Variants in COQ2 observed in about 807,000 individuals in gnomAD.
The protein encoded by COQ2 is coenzyme Q2, polyprenyltransferase.
In COQ2, 25 loss-of-function variants were observed where a neutral mutation model predicts 35.7. The ratio of observed to expected loss-of-function variants is 0.70; its 90% CI spans 0.51 to 0.98. COQ2 has a LOEUF of 0.98. Ranked by LOEUF, COQ2 falls within the 50% of genes least tolerant of loss-of-function variation. COQ2 has a pLI of 0.00. For missense variants in COQ2, 488 were observed against 473.5 expected, an observed-to-expected ratio of 1.03 and a Z score of -0.28; for synonymous variants, 206 against 186.2, an observed-to-expected ratio of 1.11 and a Z score of -0.86.
chr4:83,284,446 C>A (rs1273458565), intron 1 of COQ2, 66 bp downstream of exon 1: 4 of 1,498,438 alleles, frequency 2.7e-6, no homozygotes, highest in Non-Finnish European at 3.6e-6. Flanking sequence ...CCGCGGACAG[C>A]TCCGCGGAGC....
Position 83,264,363 on chromosome 4 carries a change from T to G in COQ2, c.952A>C (p.Ile318Leu). 1 of 1,595,936 alleles carries G rather than the reference T, an allele frequency of 6.3e-7. No individual in the cohort carries two copies. The highest frequency in any genetic ancestry group is 8.5e-7 in the Non-Finnish European group (1 of 1,173,946). Reference sequence around the variant, plus strand: ...GGTCTGTGGATGTCTAGAGTGTAAATCTGCAAGAGAGGAATACAAAGTTGT... The same window carrying G: ...GGTCTGTGGATGTCTAGAGTGTAAAGCTGCAAGAGAGGAATACAAAGTTGT... The part of the protein sequence containing the change: ...GAVGAHLTHQ[I>L]YTLDIHRPED... The change falls in exon 7 of 7, where the codon ATT becomes CTT. Residue 318 changes from isoleucine to leucine, a missense_variant and splice_region_variant. Transcript: ENST00000647002.
At chr4:83,268,690 G>A (rs1476250735) in intron 5 of COQ2, among the ~76,000 whole-genome samples, 3 of 152,100 alleles carry the variant, frequency 2.0e-5, no homozygotes, top group South Asian at 2.1e-4. Context: ...AGACCTTACC[G>A]CAAAAAGTAC....
At chr4:83,284,426 C>T in intron 1 of COQ2, 86 bp downstream of exon 1, 3 of 1,459,108 alleles carry the variant, frequency 2.1e-6, no homozygotes, top group Non-Finnish European at 9.1e-7. Context: ...CATCACGCCC[C>T]GGCCGGCCGC....
At chr4:83,283,378 C>T (rs1735374687) in intron 1 of COQ2, 3 of 985,422 alleles carry the variant, frequency 3.0e-6, no homozygotes, top group South Asian at 4.7e-5. Flanking sequence ...TGTCTAGTCT[C>T]GTTTCCCATT....
chr4:83,281,349 C>T (rs563477975), intron 1 of COQ2: 2 of 152,306 alleles, frequency 1.3e-5, no homozygotes, highest in Admixed American at 6.5e-5. Context: ...GACAGAAAGA[C>T]GTGTAACCAC....
At chr4:83,278,724 A>G (rs924847958) in intron 2 of COQ2, among the ~76,000 whole-genome samples, 1 of 152,244 alleles carries the variant, frequency 6.6e-6, no homozygotes, top group African/African-American at 2.4e-5. Context: ...TTATAATAAT[A>G]AAGTACACAC....
intron 1 of COQ2, among the ~76,000 whole-genome samples, chr4:83,279,912 G>A (rs1735278253): frequency 1.4e-5 from 2 of 140,998 alleles, no homozygotes; most frequent in Admixed American, 7.6e-5. Context: ...CCAAGCTGGC[G>A]TACAATGGCA....
At chr4:83,268,141 C>T (rs1734967763) in intron 5 of COQ2, among the ~76,000 whole-genome samples, 1 of 152,156 alleles carries the variant, frequency 6.6e-6, no homozygotes, top group African/African-American at 2.4e-5. Context: ...CTAATTCTTC[C>T]CATAGCTCCT....
In COQ2 at chr4:83,284,773, T is replaced by C. The variant is rs1442705983; in HGVS notation, c.-9A>G. On this transcript the variant is annotated 5_prime_UTR_variant, in exon 1 of 7. Coordinates refer to ENST00000647002, the MANE Select transcript of COQ2 (RefSeq NM_001358921.2). Reference sequence around the variant, plus strand: ...GCTCGCGAGCCCAGCATGGCGCTGGTGAGGCCGGGACGAGCTCGGATTGAC... The same window carrying C: ...GCTCGCGAGCCCAGCATGGCGCTGGCGAGGCCGGGACGAGCTCGGATTGAC... 6.4e-7 allele frequency: 1 copy of C among 1,558,304 alleles called. No homozygotes were observed. The highest frequency in any genetic ancestry group is 8.6e-7 in the Non-Finnish European group (1 of 1,159,196).
In COQ2 at chr4:83,284,772, G is replaced by T; in HGVS notation, c.-8C>A. 6 of 1,558,584 alleles carry T rather than the reference G, an allele frequency of 3.8e-6. No individual in the cohort carries two copies. Among genetic ancestry groups the T allele is most frequent in the Non-Finnish European group, 5.2e-6 (6 of 1,159,312 alleles). ...GGCTCGCGAGCCCAGCATGGCGCTG[G>T]TGAGGCCGGGACGAGCTCGGATTGA... On this transcript the variant is annotated 5_prime_UTR_variant, in exon 1 of 7. Transcript: ENST00000647002.
At chr4:83,280,242 A>G (rs991953493) in intron 1 of COQ2, among the ~76,000 whole-genome samples, 2 of 152,238 alleles carry the variant, frequency 1.3e-5, no homozygotes, top group East Asian at 1.9e-4. Flanking sequence ...GACTTCAAAT[A>G]TGAACTTTAA....
At chr4:83,274,708 G>C (rs762087501) in intron 2 of COQ2, among the ~76,000 whole-genome samples, 21 of 152,040 alleles carry the variant, frequency 1.4e-4, no homozygotes, top group Non-Finnish European at 2.6e-4. Flanking sequence ...AAATATGTAG[G>C]TTTATGTCTT....
intron 1 of COQ2, 197 bp downstream of exon 1, chr4:83,284,313 CAA>C (rs1308921243): frequency 4.7e-5 from 46 of 985,130 alleles, no homozygotes; most frequent in Non-Finnish European, 5.3e-5. Context: ...AGCCGGCAGC[CAA>C]GCTCAAGCTT....
intron 1 of COQ2, chr4:83,283,850 ATT>A: frequency 1.0e-6 from 1 of 985,478 alleles, no homozygotes; most frequent in Non-Finnish European, 1.2e-6. Context: ...GTAGGTGTTA[ATT>A]AAGATAGGAA....
intron 4 of COQ2, among the ~76,000 whole-genome samples, chr4:83,270,879 T>C (rs1188000467): frequency 6.6e-6 from 1 of 152,222 alleles, no homozygotes; most frequent in Non-Finnish European, 1.5e-5. Context: ...GGAGTAAATA[T>C]ACCAGCTTCT....
In COQ2 at chr4:83,282,079, A is replaced by G. The variant is rs940813381; in HGVS notation, c.253+2433T>C. Among the ~76,000 whole-genome samples, 5 of 152,204 alleles carry G rather than the reference A, an allele frequency of 3.3e-5. No homozygotes were observed. The East Asian group carries it at 9.6e-4, about 29-fold the overall frequency. On this transcript the variant is annotated intron_variant, in intron 1 of 6. Coordinates refer to ENST00000647002, the MANE Select transcript of COQ2 (RefSeq NM_001358921.2). Reference sequence around the variant, plus strand: ...ATTGCAAAAAGAAATGTTTTTGTAGAAAAGGGAAAAACTCTATGGGAGATG... The same window carrying G: ...ATTGCAAAAAGAAATGTTTTTGTAGGAAAGGGAAAAACTCTATGGGAGATG...
intron 3 of COQ2, 127 bp from the exon 4 acceptor site, chr4:83,272,299 T>A: frequency 1.9e-6 from 1 of 513,490 alleles, no homozygotes; most frequent in Non-Finnish European, 3.4e-6. Context: ...ATATTTTATG[T>A]AAGTTATCTT....
At chr4:83,277,218 C>T (rs538169599) in intron 2 of COQ2, among the ~76,000 whole-genome samples, 1 of 152,164 alleles carries the variant, frequency 6.6e-6, no homozygotes, top group African/African-American at 2.4e-5. Context: ...GGACAGTGTG[C>T]ATGTCTTGGC....
intron 4 of COQ2, 31 bp downstream of exon 4, chr4:83,272,056 A>C: frequency 7.1e-7 from 1 of 1,415,176 alleles, no homozygotes; most frequent in Non-Finnish European, 9.8e-7. Flanking sequence ...GCAAATATCA[A>C]AGGAAATACT....
Sources: gnomAD v4.1 joint callset for allele counts (sites outside exome capture counted in the v4.1 genomes callset) on GRCh38, gnomAD v4.1.1 for gene constraint, MANE v1.5 for transcripts, NCBI Gene and HGNC (gene_info 2026-07-23, HGNC 2026-07-21) for gene names.